The following NAA16 variants were observed in gnomAD, a reference collection of about 807,000 sequenced individuals.
NAA16 encodes the protein N-alpha-acetyltransferase 16, NatA auxiliary subunit.
In NAA16, 97 loss-of-function variants were observed where a neutral mutation model predicts 110.3. The ratio of observed to expected loss-of-function variants is 0.88; its 90% CI spans 0.75 to 1.04. NAA16 has a LOEUF of 1.04. NAA16 is among the 50% of genes least tolerant of loss of function. NAA16 has a pLI of 0.00. For synonymous variants in NAA16, 372 were observed against 330.6 expected (o/e 1.13, Z -1.36); for missense variants, 1,017 against 1,005.1 (o/e 1.01, Z -0.16).
intron 9 of NAA16, among the ~76,000 whole-genome samples, chr13:41,345,383 G>T (rs1274068584): frequency 6.6e-6 from 1 of 152,174 alleles, no homozygotes; most frequent in Non-Finnish European, 1.5e-5. Context: ...CATAGTGGGT[G>T]TGAAATGGTA....
At chr13:41,316,483 T>C (rs1443071256) in intron 1 of NAA16, among the ~76,000 whole-genome samples, 1 of 152,014 alleles carries the variant, frequency 6.6e-6, no homozygotes, top group Non-Finnish European at 1.5e-5. Context: ...ATTTTTGTAT[T>C]TTTAGTAGAG....
At chr13:41,328,965 A>G in intron 7 of NAA16, 122 bp downstream of exon 7, 1 of 812,444 alleles carries the variant, frequency 1.2e-6, no homozygotes, top group Non-Finnish European at 1.9e-6. Flanking sequence ...CCATTTAGTA[A>G]AATTATAGGT....
intron 18 of NAA16, 118 bp downstream of exon 18, chr13:41,373,898 A>G (rs987682732): frequency 1.4e-6 from 2 of 1,379,364 alleles, no homozygotes; most frequent in African/African-American, 1.5e-5. Context: ...TGGGGAGAGA[A>G]ATGTGGACAA....
chr13:41,318,470 G>GA (rs1482948883), intron 2 of NAA16, among the ~76,000 whole-genome samples: 3 of 152,152 alleles, frequency 2.0e-5, no homozygotes, highest in African/African-American at 7.2e-5. Flanking sequence ...CCTGAGTGCT[G>GA]GGATTACAGG....
In NAA16 at chr13:41,316,854, T is replaced by C. The variant is rs1218655532; in HGVS notation, c.63T>C (p.Tyr21=). 1.2e-6 allele frequency: 2 copies of C among 1,611,318 alleles called. No individual in the cohort carries two copies. Among genetic ancestry groups the C allele is most frequent in the Non-Finnish European group, 1.7e-6 (2 of 1,177,764 alleles). The change falls in exon 2 of 20, where the codon TAT becomes TAC. Residue 21 remains tyrosine (Y), a synonymous_variant. Coordinates refer to ENST00000379406, the MANE Select transcript of NAA16 (RefSeq NM_024561.5). ...TTCATATTTCTTTACAGAAATGTTA[T>C]GAACAGAAGCAGTACAAAAATGGCC... The part of the protein sequence containing the change: ...SNLFKRILKC[Y]EQKQYKNGLK...
At chr13:41,342,815 A>T (rs193199970) in intron 9 of NAA16, among the ~76,000 whole-genome samples, 35 of 152,310 alleles carry the variant, frequency 2.3e-4, no homozygotes, top group Admixed American at 1.2e-3. Flanking sequence ...ACCATTTCAC[A>T]TTGATGATAT....
chr13:41,375,360 G>A, intron 19 of NAA16, 45 bp from the exon 20 acceptor site: 3 of 1,420,726 alleles, frequency 2.1e-6, no homozygotes, highest in Non-Finnish European at 3.0e-6. Flanking sequence ...TTAACTGCGA[G>A]CTTATTATTT....
At chr13:41,344,848 C>G (rs1030509951) in intron 9 of NAA16, among the ~76,000 whole-genome samples, 1 of 152,182 alleles carries the variant, frequency 6.6e-6, no homozygotes, top group African/African-American at 2.4e-5. Flanking sequence ...TTGTCATCCC[C>G]CAAAGAGACT....
Position 41,373,748 on chromosome 13 carries a change from G to A in NAA16, c.2267G>A (p.Arg756His), listed in dbSNP as rs143778172. 4.3e-6 allele frequency: 7 copies of A among 1,610,058 alleles called. No individual in the cohort carries two copies. Among genetic ancestry groups the A allele is most frequent in the East Asian group, 4.5e-5 (2 of 44,808 alleles). The change falls in exon 18 of 20, where the codon CGT (arginine) becomes CAT (histidine). Residue 756 changes from arginine (R) to histidine (H), a missense_variant. Coordinates refer to ENST00000379406, the MANE Select transcript of NAA16 (RefSeq NM_024561.5). ...AGTTTTAATGAGGATTTTCTGAAAC[G>A]TAACGCTACCTCTCTTCAGCATCTA... is the stretch of plus-strand genomic sequence containing the variant. ...LESFNEDFLK[R>H]NATSLQHLLS...
Position 41,358,874 on chromosome 13 carries a change from A to C in NAA16, c.1322A>C (p.Asp441Ala). ...GAAGCACAGTCTTTGGACACAGCTGATAGATTCATCAATTCCAAATGTGCA... is the reference window on the plus strand; with the variant it reads ...GAAGCACAGTCTTTGGACACAGCTGCTAGATTCATCAATTCCAAATGTGCA... Reference protein sequence around the residue: ...MDEAQSLDTADRFINSKCAKY... With the variant: ...MDEAQSLDTAARFINSKCAKY... Residue 441 changes from aspartate to alanine, a missense_variant, in exon 12 of 20, where the codon GAT (aspartate) becomes GCT (alanine). Coordinates refer to ENST00000379406, the MANE Select transcript of NAA16 (RefSeq NM_024561.5). 1 of 1,612,962 alleles carries C rather than the reference A, an allele frequency of 6.2e-7. No homozygotes were observed. Among genetic ancestry groups the C allele is most frequent in the South Asian group, 1.1e-5 (1 of 90,986 alleles).
At chr13:41,332,284 T>G (rs1342402379) in intron 8 of NAA16, among the ~76,000 whole-genome samples, 1 of 152,226 alleles carries the variant, frequency 6.6e-6, no homozygotes, top group Non-Finnish European at 1.5e-5. Context: ...TTAACCACTT[T>G]CCCGAGTTTT....
rs2139502361 is a variant in NAA16 at position 41,362,069 on chromosome 13, G to A, written c.1449G>A (p.Gln483=). ...TSAMENLNEM[Q]CMWFQTECIS... ...CCATGGAAAATCTAAATGAAATGCA[G>A]TGTATGTGGTTTCAGACAGAATGCA... is the stretch of plus-strand genomic sequence containing the variant. The change falls in exon 13 of 20, where the codon CAG becomes CAA. Residue 483 remains glutamine, a synonymous_variant. Coordinates refer to ENST00000379406, the MANE Select transcript of NAA16 (RefSeq NM_024561.5). 1 of 1,611,584 alleles carries A rather than the reference G, an allele frequency of 6.2e-7. No homozygotes were observed. Among genetic ancestry groups the A allele is most frequent in the East Asian group, 2.2e-5 (1 of 44,726 alleles).
chr13:41,324,164 C>T (rs139806878), intron 5 of NAA16, among the ~76,000 whole-genome samples: 67 of 151,952 alleles, frequency 4.4e-4, no homozygotes, highest in African/African-American at 1.5e-3. Context: ...GTAAGGCCAC[C>T]GTCTTTACTT....
chr13:41,324,000 ACTTGAG>A (rs2042018592), intron 5 of NAA16, among the ~76,000 whole-genome samples: 1 of 152,102 alleles, frequency 6.6e-6, no homozygotes, highest in Non-Finnish European at 1.5e-5. Flanking sequence ...GATACTCTAG[ACTTGAG>A]CTTCTTCCAT....
chr13:41,328,878 A>C (rs1442274423), intron 7 of NAA16, 35 bp downstream of exon 7: 1 of 1,530,362 alleles, frequency 6.5e-7, no homozygotes, highest in Admixed American at 1.7e-5. Context: ...TCTCATAACT[A>C]CTGATTGAAG....
At chr13:41,324,018 C>G (rs1159444318) in intron 5 of NAA16, among the ~76,000 whole-genome samples, 1 of 152,154 alleles carries the variant, frequency 6.6e-6, no homozygotes, top group South Asian at 2.1e-4. Context: ...TTCTTCCATC[C>G]TATTTCACTT....
intron 5 of NAA16, among the ~76,000 whole-genome samples, chr13:41,324,154 G>A (rs931828833): frequency 5.3e-5 from 8 of 151,950 alleles, no homozygotes; most frequent in African/African-American, 1.9e-4. Context: ...AAACTTTGTA[G>A]TAAGGCCACC....
intron 15 of NAA16, among the ~76,000 whole-genome samples, chr13:41,370,459 C>T (rs552231994): frequency 6.6e-6 from 1 of 152,312 alleles, no homozygotes; most frequent in Admixed American, 6.5e-5. Context: ...CCATTTTGTG[C>T]AAATGCAGTT....
At chr13:41,323,587 C>T (rs541548302) in intron 5 of NAA16, among the ~76,000 whole-genome samples, 8 of 151,302 alleles carry the variant, frequency 5.3e-5, no homozygotes, top group Non-Finnish European at 8.8e-5. Context: ...CTTCCGACCT[C>T]GTGATCCGCC....
Sources: allele counts gnomAD v4.1 joint callset (sites outside exome capture counted in the v4.1 genomes callset), GRCh38; gene constraint gnomAD v4.1.1; transcripts MANE v1.5; gene names NCBI Gene and HGNC (gene_info 2026-07-23, HGNC 2026-07-21).